Variants in ST6GALNAC5 observed in about 807,000 individuals in gnomAD.
The protein encoded by ST6GALNAC5 is alpha-N-acetylgalactosaminide alpha-2,6-sialyltransferase 5.
Under a neutral mutation model 33.6 loss-of-function variants are expected in ST6GALNAC5, and 27 were observed. The ratio of observed to expected loss-of-function variants is 0.80; its 90% CI spans 0.59 to 1.11. The LOEUF is 1.11. Ranked by LOEUF, ST6GALNAC5 falls within the 50% of genes least tolerant of loss-of-function variation. ST6GALNAC5 has a pLI of 0.00. For missense variants in ST6GALNAC5, 428 were observed against 454.0 expected (o/e 0.94, Z 0.52); for synonymous variants, 194 against 171.2 (o/e 1.13, Z -1.04).
At chr1:77,032,174 C>T (rs1057095375) in intron 2 of ST6GALNAC5, among the ~76,000 whole-genome samples, 2 of 152,124 alleles carry the variant, frequency 1.3e-5, no homozygotes, top group African/African-American at 4.8e-5. Context: ...TGAGACCAGA[C>T]TTTATGAATA....
At chr1:76,917,490 TACAC>T (rs1201962612) in intron 2 of ST6GALNAC5, among the ~76,000 whole-genome samples, 4 of 152,074 alleles carry the variant, frequency 2.6e-5, no homozygotes, top group African/African-American at 4.8e-5. Flanking sequence ...ACTCCCAACT[TACAC>T]ACAATATTCC....
At chr1:76,962,446 A>G (rs1025603479) in intron 2 of ST6GALNAC5, among the ~76,000 whole-genome samples, 1 of 152,226 alleles carries the variant, frequency 6.6e-6, no homozygotes, top group African/African-American at 2.4e-5. Flanking sequence ...CAATGACTGT[A>G]TGTGATAATG....
intron 2 of ST6GALNAC5, among the ~76,000 whole-genome samples, chr1:76,979,719 G>T (rs1649171000): frequency 1.3e-5 from 2 of 152,190 alleles, no homozygotes; most frequent in Non-Finnish European, 2.9e-5. Context: ...CTGAGATCAA[G>T]AATTCGAGAC....
In ST6GALNAC5 at chr1:76,868,578, A is replaced by T; in HGVS notation, c.97A>T (p.Lys33Ter). The change falls in exon 2 of 5, where the codon AAG becomes TAG. Residue 33 changes from lysine (K) to a stop codon, truncating the protein, a stop_gained. Transcript: ENST00000477717. LOFTEE classifies it high-confidence loss of function. This position sits in a 1 kb window ranked among gnomAD's most constrained non-coding sequence, Gnocchi z 4.3. ...LLVYSSLGGQ[K>*]ERPPQQQQQQ... Reference sequence around the variant, plus strand: ...AGTGTACAGCAGCCTCGGCGGCCAGAAGGAGCGGCCCCCGCAGCAGCAGCA... The same window carrying T: ...AGTGTACAGCAGCCTCGGCGGCCAGTAGGAGCGGCCCCCGCAGCAGCAGCA... The T allele has an allele frequency of 4.3e-6, 7 of 1,612,778 alleles. No homozygotes were observed. The highest frequency in any genetic ancestry group is 5.9e-6 in the Non-Finnish European group (7 of 1,179,558).
chr1:76,949,206 A>C (rs1647645666), intron 2 of ST6GALNAC5, among the ~76,000 whole-genome samples: 1 of 152,140 alleles, frequency 6.6e-6, no homozygotes, highest in Admixed American at 6.5e-5. Context: ...ACATACATTA[A>C]AGACCAAAGC....
intron 2 of ST6GALNAC5, among the ~76,000 whole-genome samples, chr1:76,996,626 G>A (rs1473963962): frequency 6.6e-6 from 1 of 152,202 alleles, no homozygotes; most frequent in African/African-American, 2.4e-5. Flanking sequence ...CTGCACAAGT[G>A]TTAAGGAGTG....
chr1:77,062,969 C>T lies in ST6GALNAC5; in HGVS notation c.780-6C>T, dbSNP rs202224472. On this transcript the variant is annotated splice_region_variant and splice_polypyrimidine_tract_variant and intron_variant, in intron 4 of 4. Coordinates refer to ENST00000477717, the MANE Select transcript of ST6GALNAC5 (RefSeq NM_030965.3). Reference sequence around the variant, plus strand: ...TTTAATCAGTTATCTCAATTTCCTCCTACAGGGATCCCAATCACCCTTCAG... The same window carrying T: ...TTTAATCAGTTATCTCAATTTCCTCTTACAGGGATCCCAATCACCCTTCAG... 6.2e-7 allele frequency: 1 copy of T among 1,610,560 alleles called. No individual in the cohort carries two copies.
At chr1:76,889,791 C>T (rs1293153669) in intron 2 of ST6GALNAC5, among the ~76,000 whole-genome samples, 3 of 152,064 alleles carry the variant, frequency 2.0e-5, no homozygotes, top group Non-Finnish European at 2.9e-5. Context: ...ATTCATCCAT[C>T]AAGTATTTTT....
intron 2 of ST6GALNAC5, among the ~76,000 whole-genome samples, chr1:77,018,357 G>C (rs1650928584): frequency 6.6e-6 from 1 of 152,172 alleles, no homozygotes; most frequent in Non-Finnish European, 1.5e-5. Flanking sequence ...CATCTTCTGA[G>C]TACTCACCAT....
intron 2 of ST6GALNAC5, among the ~76,000 whole-genome samples, chr1:76,897,003 A>C (rs1480941339): frequency 1.3e-5 from 2 of 151,794 alleles, no homozygotes; most frequent in South Asian, 2.1e-4. Flanking sequence ...TTTGTAAGGG[A>C]TTGAGGTTTA....
At chr1:76,978,139 C>G (rs573989268) in intron 2 of ST6GALNAC5, among the ~76,000 whole-genome samples, 1 of 152,138 alleles carries the variant, frequency 6.6e-6, no homozygotes, top group African/African-American at 2.4e-5. Flanking sequence ...TGAGAAACAT[C>G]TCTTCAAGTC....
chr1:76,987,248 A>C (rs1649546160), intron 2 of ST6GALNAC5, among the ~76,000 whole-genome samples: 1 of 152,146 alleles, frequency 6.6e-6, no homozygotes, highest in South Asian at 2.1e-4. Flanking sequence ...AATAATACAA[A>C]GACAAATAAC....
At chr1:77,039,728 A>G (rs199696) in intron 2 of ST6GALNAC5, among the ~76,000 whole-genome samples, 58,278 of 152,136 alleles carry the variant, frequency 0.38, 11,946 homozygotes, top group African/African-American at 0.53. Flanking sequence ...AAGAAGGAAC[A>G]GAGTGTCTCA....
At chr1:76,970,124 T>G (rs1434750043) in intron 2 of ST6GALNAC5, among the ~76,000 whole-genome samples, 5 of 152,034 alleles carry the variant, frequency 3.3e-5, no homozygotes, top group Non-Finnish European at 5.9e-5. Context: ...CTGAAAACTC[T>G]GAAAACCAGA....
chr1:77,060,675 T>A (rs1020665027), intron 4 of ST6GALNAC5, among the ~76,000 whole-genome samples: 2 of 152,156 alleles, frequency 1.3e-5, no homozygotes, highest in Non-Finnish European at 2.9e-5. Context: ...TTTTAGGGGA[T>A]CAATATGGAG....
intron 2 of ST6GALNAC5, among the ~76,000 whole-genome samples, chr1:76,887,930 C>T (rs968128644): frequency 6.6e-6 from 1 of 151,844 alleles, no homozygotes; most frequent in African/African-American, 2.4e-5. Context: ...ATTCTATTTC[C>T]CCTCCCACCA....
At chr1:76,879,905 G>A (rs892260276) in intron 2 of ST6GALNAC5, among the ~76,000 whole-genome samples, 4 of 152,166 alleles carry the variant, frequency 2.6e-5, no homozygotes, top group African/African-American at 4.8e-5. Context: ...CACTGGGTGA[G>A]GCTGTGCATG....
At chr1:76,949,524 T>C (rs1647662358) in intron 2 of ST6GALNAC5, among the ~76,000 whole-genome samples, 1 of 152,130 alleles carries the variant, frequency 6.6e-6, no homozygotes, top group South Asian at 2.1e-4. Flanking sequence ...CCTTTTGGCC[T>C]CTCTGAGCTC....
chr1:76,937,159 G>A (rs1647216851), intron 2 of ST6GALNAC5, among the ~76,000 whole-genome samples: 1 of 151,938 alleles, frequency 6.6e-6, no homozygotes, highest in Non-Finnish European at 1.5e-5. Flanking sequence ...AAGCCAAAGA[G>A]AAAAACAAAT....
Sources: allele counts gnomAD v4.1 joint callset (sites outside exome capture counted in the v4.1 genomes callset), GRCh38; gene constraint gnomAD v4.1.1; non-coding constraint Gnocchi (gnomAD v3.1); transcripts MANE v1.5; gene names NCBI Gene and HGNC (gene_info 2026-07-23, HGNC 2026-07-21).